Variants in MSMO1 observed in about 807,000 individuals in gnomAD.
MSMO1 encodes the protein methylsterol monooxygenase 1.
Under a neutral mutation model 30.4 loss-of-function variants are expected in MSMO1, and 18 were observed. That is an observed-to-expected ratio of 0.59 (90% CI 0.41 to 0.88). The LOEUF is 0.88. Among genes scored for constraint, MSMO1 ranks in the 40% least tolerant of loss-of-function variants. MSMO1 has a pLI of 0.00. For synonymous variants in MSMO1, 84 were observed against 107.9 expected (o/e 0.78, Z 1.37); for missense variants, 284 against 340.5 (o/e 0.83, Z 1.31).
Position 165,341,972 on chromosome 4 carries a change from G to A in MSMO1, c.*26G>A. On this transcript the variant is annotated 3_prime_UTR_variant, in exon 6 of 6. Transcript: ENST00000261507. ...ATATCTCACGTAAACCTTCCTGAAAGATAAACGTTTTCCTGAATTCAGAAA... is the reference window on the plus strand; with the variant it reads ...ATATCTCACGTAAACCTTCCTGAAAAATAAACGTTTTCCTGAATTCAGAAA... The A allele has an allele frequency of 6.4e-7, 1 of 1,572,694 alleles. No individual in the cohort carries two copies.
chr4:165,332,026 G>A (rs913412435), intron 1 of MSMO1, among the ~76,000 whole-genome samples: 20 of 150,236 alleles, frequency 1.3e-4, no homozygotes, highest in Admixed American at 1.1e-3. Flanking sequence ...CTACCCCGCC[G>A]AGCTGTCTTC....
chr4:165,333,752 AT>A (rs2126620068), intron 2 of MSMO1, 127 bp downstream of exon 2: 1 of 1,062,814 alleles, frequency 9.4e-7, no homozygotes, highest in African/African-American at 1.6e-5. Flanking sequence ...CACGTATGTA[AT>A]TTTAAATTTT....
chr4:165,341,937 G>A lies in MSMO1; in HGVS notation c.873G>A (p.Lys291=). 6.2e-7 allele frequency: 1 copy of A among 1,609,468 alleles called. No individual in the cohort carries two copies. The highest frequency in any genetic ancestry group is 8.5e-7 in the Non-Finnish European group (1 of 1,176,720). The change falls in exon 6 of 6, where the codon AAG becomes AAA. Residue 291 remains lysine (K), a synonymous_variant. Coordinates refer to ENST00000261507, the MANE Select transcript of MSMO1 (RefSeq NM_006745.5). ...AAAAGAGGAAGAAGTTTGAGAAAAA[G>A]ACTGAATAAATATCTCACGTAAACC... ...YNEKRKKFEK[K]TE
chr4:165,334,316 CT>C (rs1747482664), intron 2 of MSMO1, among the ~76,000 whole-genome samples: 1 of 152,134 alleles, frequency 6.6e-6, no homozygotes, highest in African/African-American at 2.4e-5. Context: ...TTCAAGAATA[CT>C]TTGTTAAATT....
At chr4:165,328,157 GGGAA>G in intron 1 of MSMO1, 1 of 152,472 alleles carries the variant, frequency 6.6e-6, no homozygotes, top group Non-Finnish European at 1.5e-5. Context: ...TAGTGGGGTT[GGGAA>G]GGGCGTCCGA....
rs1164134631 is a variant in MSMO1 at position 165,333,537 on chromosome 4, T to C, written c.167T>C (p.Ile56Thr). The C allele has an allele frequency of 3.7e-6, 6 of 1,613,090 alleles. No individual in the cohort carries two copies. The highest frequency in any genetic ancestry group is 2.7e-5 in the African/African-American group (2 of 74,902). Residue 56 changes from isoleucine (I) to threonine (T), a missense_variant, in exon 2 of 6, where the codon ATA becomes ACA. Transcript: ENST00000261507. Reference sequence around the variant, plus strand: ...CAGATTGCAACATGGGGATCCCTTATAGTTCATGAAGCCCTTTATTTCTTA... The same window carrying C: ...CAGATTGCAACATGGGGATCCCTTACAGTTCATGAAGCCCTTTATTTCTTA... ...KFQIATWGSLIVHEALYFLFC... is the reference protein window; with the variant it reads ...KFQIATWGSLTVHEALYFLFC...
chr4:165,340,661 G>GA, intron 5 of MSMO1: 3 of 380,852 alleles, frequency 7.9e-6, no homozygotes, highest in Non-Finnish European at 1.4e-5. Flanking sequence ...ACTCATATTT[G>GA]AAAAAAATAT....
chr4:165,340,026 C>A (rs548988313), intron 4 of MSMO1, among the ~76,000 whole-genome samples, 195 bp from the exon 5 acceptor site: 55 of 152,222 alleles, frequency 3.6e-4, no homozygotes, highest in African/African-American at 1.3e-3. Context: ...TGAAGCCCAC[C>A]CTCATTATGA....
At chr4:165,341,308 AG>A (rs1447561707) in intron 5 of MSMO1, among the ~76,000 whole-genome samples, 2 of 151,168 alleles carry the variant, frequency 1.3e-5, no homozygotes, top group African/African-American at 4.9e-5. Context: ...GTTGCTATAC[AG>A]GGATTCATGG....
chr4:165,330,422 A>G (rs1176331436), intron 1 of MSMO1, among the ~76,000 whole-genome samples: 2 of 152,214 alleles, frequency 1.3e-5, no homozygotes, highest in Non-Finnish European at 2.9e-5. Context: ...TAAGCGCTTT[A>G]TATGCATTGT....
chr4:165,335,656 C>T (rs545758716), intron 2 of MSMO1, among the ~76,000 whole-genome samples: 1 of 152,138 alleles, frequency 6.6e-6, no homozygotes, highest in Non-Finnish European at 1.5e-5. Context: ...AAGTAGTAAC[C>T]TTTGCAGAGA....
chr4:165,338,565 A>G, intron 3 of MSMO1, 87 bp from the exon 4 acceptor site: 1 of 1,216,510 alleles, frequency 8.2e-7, no homozygotes, highest in Non-Finnish European at 1.2e-6. Context: ...GGTTTTATGT[A>G]ATGTCTCAAG....
At chr4:165,331,933 G>A (rs887880795) in intron 1 of MSMO1, among the ~76,000 whole-genome samples, 25 of 147,640 alleles carry the variant, frequency 1.7e-4, no homozygotes, top group African/African-American at 6.4e-4. Context: ...ACCCCGCCGC[G>A]CTCTGTCTTC....
chr4:165,341,456 C>T (rs1747712599), intron 5 of MSMO1, among the ~76,000 whole-genome samples: 1 of 152,048 alleles, frequency 6.6e-6, no homozygotes, highest in Non-Finnish European at 1.5e-5. Context: ...AAAATTAATT[C>T]TTAAAAATCT....
Position 165,338,567 on chromosome 4 carries a change from T to G in MSMO1, c.405-85T>G, listed in dbSNP as rs17046259. On this transcript the variant is annotated intron_variant, in intron 3 of 5. Coordinates refer to ENST00000261507, the MANE Select transcript of MSMO1 (RefSeq NM_006745.5). ...TAAGTGGGTGGGTGGTTTTATGTAA[T>G]GTCTCAAGCAGTGATCCCAACTAAA... is the stretch of plus-strand genomic sequence containing the variant. The G allele has an allele frequency of 0.023, 28,446 of 1,224,364 alleles. 3,726 individuals are homozygous for G. In the African/African-American group the frequency reaches 0.32, roughly 14 times the overall value. 75.8% of individuals were successfully genotyped at this position (1,224,364 alleles called of 1,614,324 possible). A position where few individuals can be genotyped will look rare whatever the true frequency, so the allele number is the denominator to read the frequency against.
intron 2 of MSMO1, among the ~76,000 whole-genome samples, chr4:165,336,946 G>A (rs914718989): frequency 6.6e-6 from 1 of 152,162 alleles, no homozygotes; most frequent in South Asian, 2.1e-4. Flanking sequence ...TGACCTCTTT[G>A]GGCTTCTGCT....
chr4:165,336,445 A>G (rs1747546852), intron 2 of MSMO1, among the ~76,000 whole-genome samples: 1 of 152,196 alleles, frequency 6.6e-6, no homozygotes, highest in Non-Finnish European at 1.5e-5. Context: ...TAACTAATTT[A>G]TGTATACTGT....
chr4:165,337,586 G>A (rs1747591920), intron 2 of MSMO1, among the ~76,000 whole-genome samples: 3 of 152,192 alleles, frequency 2.0e-5, no homozygotes, highest in African/African-American at 7.2e-5. Context: ...ATCATGGCTA[G>A]GCGCATCTGT....
At chr4:165,337,522 A>G (rs371391913) in intron 2 of MSMO1, among the ~76,000 whole-genome samples, 9 of 152,238 alleles carry the variant, frequency 5.9e-5, no homozygotes, top group African/African-American at 1.9e-4. Flanking sequence ...GATCTGTGGC[A>G]GCAAAGACTG....
Sources: gnomAD v4.1 joint callset for allele counts (sites outside exome capture counted in the v4.1 genomes callset) on GRCh38, gnomAD v4.1.1 for gene constraint, MANE v1.5 for transcripts, NCBI Gene and HGNC (gene_info 2026-07-23, HGNC 2026-07-21) for gene names.